Variants in ATF6 observed in about 807,000 individuals in gnomAD.
ATF6 encodes the protein activating transcription factor 6.
A neutral mutation model predicts 83.6 loss-of-function variants in ATF6; 53 were observed. The observed-to-expected ratio is 0.63, with a 90% CI of 0.51 to 0.80. The LOEUF is 0.80. Among genes scored for constraint, ATF6 ranks in the 30% least tolerant of loss-of-function variants. The pLI, the probability that ATF6 is intolerant of heterozygous loss-of-function variation, is 0.00. For missense variants in ATF6, 744 were observed against 797.9 expected (o/e 0.93, Z 0.81); for synonymous variants, 288 against 285.8 (o/e 1.01, Z -0.08).
chr1:161,931,702 C>G (rs1349354366), intron 15 of ATF6, among the ~76,000 whole-genome samples: 1 of 152,120 alleles, frequency 6.6e-6, no homozygotes, highest in Non-Finnish European at 1.5e-5. Context: ...CTATTCAAAA[C>G]ATTTGCCCAT....
intron 7 of ATF6, 54 bp downstream of exon 7, chr1:161,802,326 A>G (rs1289358729): frequency 2.4e-5 from 36 of 1,508,588 alleles, no homozygotes; most frequent in Non-Finnish European, 2.9e-5. Context: ...AACCAACAAA[A>G]AAACACCTTT....
intron 15 of ATF6, among the ~76,000 whole-genome samples, chr1:161,952,108 C>G (rs1291960757): frequency 6.6e-6 from 1 of 152,158 alleles, no homozygotes; most frequent in Admixed American, 6.5e-5. Context: ...GCCCCTCCTT[C>G]TTAACACAGG....
chr1:161,805,826 A>G (rs1246636396), intron 7 of ATF6, among the ~76,000 whole-genome samples: 1 of 151,650 alleles, frequency 6.6e-6, no homozygotes, highest in African/African-American at 2.4e-5. Context: ...AAAAAAAATC[A>G]TATCAGTTTT....
intron 10 of ATF6, among the ~76,000 whole-genome samples, chr1:161,850,015 G>A (rs757826934): frequency 6.6e-5 from 10 of 151,936 alleles, no homozygotes; most frequent in Admixed American, 1.3e-4. Context: ...ACTCCTCTCC[G>A]TCTCTGCTGC....
intron 9 of ATF6, among the ~76,000 whole-genome samples, chr1:161,825,676 C>G (rs1266033683): frequency 6.6e-6 from 1 of 152,102 alleles, no homozygotes; most frequent in Non-Finnish European, 1.5e-5. Flanking sequence ...CCAGGTGCAC[C>G]ACCCTCCTAG....
At chr1:161,807,896 T>TTTTTTTTTA (rs1685339786) in intron 7 of ATF6, among the ~76,000 whole-genome samples, 1 of 124,596 alleles carries the variant, frequency 8.0e-6, no homozygotes, top group African/African-American at 2.8e-5. Context: ...TTTTTTTTTT[T>TTTTTTTTTA]TGAGACAAAG....
intron 9 of ATF6, among the ~76,000 whole-genome samples, chr1:161,824,268 G>C (rs1163639823): frequency 1.3e-5 from 2 of 151,718 alleles, no homozygotes; most frequent in Non-Finnish European, 2.9e-5. Flanking sequence ...TGCCGGCAGT[G>C]CCCTTCCCTC....
At chr1:161,902,267 A>T (rs1164198852) in intron 14 of ATF6, among the ~76,000 whole-genome samples, 1 of 152,200 alleles carries the variant, frequency 6.6e-6, no homozygotes, top group African/African-American at 2.4e-5. Flanking sequence ...TTTTCTTGAG[A>T]TAGCCATTAT....
intron 14 of ATF6, among the ~76,000 whole-genome samples, chr1:161,895,173 G>A (rs1381049839): frequency 6.6e-6 from 1 of 152,164 alleles, no homozygotes; most frequent in Non-Finnish European, 1.5e-5. Context: ...GGAGGCAGAA[G>A]TTGTAGTAAG....
intron 8 of ATF6, among the ~76,000 whole-genome samples, chr1:161,820,427 A>G (rs1231416464): frequency 1.3e-5 from 2 of 152,182 alleles, no homozygotes; most frequent in African/African-American, 2.4e-5. Context: ...AAGTGACTCA[A>G]AATTCTTTGG....
At chr1:161,812,287 CTT>C (rs1243777253) in intron 7 of ATF6, among the ~76,000 whole-genome samples, 3 of 51,070 alleles carry the variant, frequency 5.9e-5, no homozygotes, top group Non-Finnish European at 1.1e-4. Flanking sequence ...ACATTTCATG[CTT>C]TGTGTGTGTG....
chr1:161,872,722 A>G (rs1687145279), intron 14 of ATF6, among the ~76,000 whole-genome samples: 1 of 151,600 alleles, frequency 6.6e-6, no homozygotes, highest in African/African-American at 2.4e-5. Flanking sequence ...AATCATTGGT[A>G]ACTTGAGATT....
intron 15 of ATF6, among the ~76,000 whole-genome samples, chr1:161,939,626 T>A (rs1314729720): frequency 6.6e-6 from 1 of 152,248 alleles, no homozygotes; most frequent in Non-Finnish European, 1.5e-5. Context: ...TGCACTCTGC[T>A]GTTCTCAACA....
intron 7 of ATF6, among the ~76,000 whole-genome samples, chr1:161,818,522 A>G (rs1388519312): frequency 3.3e-5 from 5 of 152,210 alleles, no homozygotes; most frequent in African/African-American, 1.2e-4. Context: ...AATTGAGAGC[A>G]TTAGAGTGTT....
rs371126262 is a variant in ATF6 at position 161,887,758 on chromosome 1, T to C, written c.1719+24446T>C. Among the ~76,000 whole-genome samples the C allele has an allele frequency of 3.9e-4, 60 of 152,274 alleles. No homozygotes were observed. The South Asian group carries it at 0.012, about 30-fold the overall frequency. ...CAGGGTTTCAGAGTTGGAGGACATA[T>C]AAAAGGATAAATCAATCCATAAATC... On this transcript the variant is annotated intron_variant, in intron 14 of 15. Transcript: ENST00000367942.
At chr1:161,912,095 G>A (rs1243436461) in intron 14 of ATF6, among the ~76,000 whole-genome samples, 4 of 152,092 alleles carry the variant, frequency 2.6e-5, no homozygotes, top group Non-Finnish European at 5.9e-5. Context: ...GCCTGACAAC[G>A]GTAGACACTC....
chr1:161,876,585 A>G (rs1571207955), intron 14 of ATF6, among the ~76,000 whole-genome samples: 1 of 152,118 alleles, frequency 6.6e-6, no homozygotes, highest in East Asian at 1.9e-4. Flanking sequence ...ACTCTACATG[A>G]TTGGTTTCAG....
At position 161,778,263 on chromosome 1, in the gene ATF6, A is replaced by C; in HGVS notation, c.102A>C (p.Glu34Asp). ...CCAAAGATTCTGCTCTCTTTGCTGA[A>C]CTCGGTTATTTCACAGACACTGATG... ...DEDWDSALFA[E>D]LGYFTDTDEL... The change falls in exon 2 of 16, where the codon GAA becomes GAC. Residue 34 changes from glutamate to aspartate, a missense_variant. Physicochemically the swap from Glu to Asp is conservative, Grantham distance 45. Transcript: ENST00000367942. 6.2e-7 allele frequency: 1 copy of C among 1,613,520 alleles called. No homozygotes were observed. Among genetic ancestry groups the C allele is most frequent in the Non-Finnish European group, 8.5e-7 (1 of 1,179,722 alleles).
intron 15 of ATF6, among the ~76,000 whole-genome samples, chr1:161,924,761 T>C (rs1250344490): frequency 6.6e-6 from 1 of 152,182 alleles, no homozygotes; most frequent in Non-Finnish European, 1.5e-5. Context: ...CAGAACCTTG[T>C]GGGAAATGTG....
Sources: allele counts gnomAD v4.1 joint callset (sites outside exome capture counted in the v4.1 genomes callset), GRCh38; gene constraint gnomAD v4.1.1; transcripts MANE v1.5; gene names NCBI Gene and HGNC (gene_info 2026-07-23, HGNC 2026-07-21).